Variants in ARHGEF26 observed in about 807,000 individuals in gnomAD.
The protein encoded by ARHGEF26 is Rho guanine nucleotide exchange factor (GEF) 26.
In ARHGEF26, 59 loss-of-function variants were observed where a neutral mutation model predicts 89.4. The ratio of observed to expected loss-of-function variants is 0.66; its 90% CI spans 0.54 to 0.82. ARHGEF26 has a LOEUF of 0.82. Ranked by LOEUF, ARHGEF26 falls within the 40% of genes least tolerant of loss-of-function variation. ARHGEF26 has a pLI of 0.00. For missense variants in ARHGEF26, 1,234 were observed against 1,085.6 expected, an observed-to-expected ratio of 1.14 and a Z score of -1.92; for synonymous variants, 500 against 428.4, an observed-to-expected ratio of 1.17 and a Z score of -2.06.
At chr3:154,164,687 G>A (rs907096555) in intron 6 of ARHGEF26, among the ~76,000 whole-genome samples, 2 of 152,118 alleles carry the variant, frequency 1.3e-5, no homozygotes, top group African/African-American at 4.8e-5. Context: ...GACCAGAACA[G>A]GGCACAATAG....
At chr3:154,212,432 A>G (rs1213006198) in intron 9 of ARHGEF26, among the ~76,000 whole-genome samples, 3 of 152,028 alleles carry the variant, frequency 2.0e-5, no homozygotes, top group Non-Finnish European at 2.9e-5. Flanking sequence ...TGCATCAGTA[A>G]TTTTATCACT....
chr3:154,208,939 G>A (rs1018849012), intron 9 of ARHGEF26, among the ~76,000 whole-genome samples: 1 of 151,698 alleles, frequency 6.6e-6, no homozygotes, highest in East Asian at 2.0e-4. Context: ...CTAATTTTTT[G>A]TATTTTTAGT....
At chr3:154,245,861 T>C (rs1182722849) in intron 12 of ARHGEF26, among the ~76,000 whole-genome samples, 2 of 152,178 alleles carry the variant, frequency 1.3e-5, no homozygotes, top group African/African-American at 2.4e-5. Flanking sequence ...CAGTGAACCA[T>C]ACGGAGATCA....
At chr3:154,220,469 G>T (rs1033833163) in intron 10 of ARHGEF26, among the ~76,000 whole-genome samples, 2 of 152,206 alleles carry the variant, frequency 1.3e-5, no homozygotes, top group African/African-American at 4.8e-5. Context: ...AATGCCAGAG[G>T]TGTGTTTGAC....
intron 1 of ARHGEF26, 61 bp downstream of exon 1, chr3:154,121,580 G>T: frequency 5.4e-6 from 1 of 183,600 alleles, no homozygotes; most frequent in Non-Finnish European, 1.1e-5. Flanking sequence ...AGGGCGGGAG[G>T]CTGGATGGCG....
intron 11 of ARHGEF26, 62 bp from the exon 12 acceptor site, chr3:154,240,308 A>T (rs975176707): frequency 9.8e-6 from 13 of 1,323,176 alleles, no homozygotes; most frequent in Non-Finnish European, 1.1e-5. Flanking sequence ...GTGCCTCGAA[A>T]ACTGACAATG....
chr3:154,234,973 A>G (rs903502594), intron 11 of ARHGEF26, among the ~76,000 whole-genome samples: 18 of 151,990 alleles, frequency 1.2e-4, no homozygotes, highest in African/African-American at 3.9e-4. Flanking sequence ...CGTGTTATCC[A>G]GGATGGTCTC....
chr3:154,241,368 C>A (rs1717472735), intron 12 of ARHGEF26, among the ~76,000 whole-genome samples: 1 of 152,018 alleles, frequency 6.6e-6, no homozygotes, highest in African/African-American at 2.4e-5. Context: ...CTGCCTCCAA[C>A]TCCATGTCTG....
intron 10 of ARHGEF26, among the ~76,000 whole-genome samples, chr3:154,225,499 ATATATTT>A (rs543486410): frequency 1.2e-4 from 19 of 152,024 alleles, no homozygotes; most frequent in Non-Finnish European, 2.1e-4. Context: ...GTTGATTCTG[ATATATTT>A]TATTACTAGG....
At position 154,122,351 on chromosome 3, in the gene ARHGEF26, T is replaced by C. The variant is rs1397586006; in HGVS notation, c.359T>C (p.Val120Ala). Residue 120 changes from valine (V) to alanine (A), a missense_variant, in exon 2 of 15, where the codon GTG (valine) becomes GCG (alanine). Transcript: ENST00000465093. The stretch of plus-strand genomic sequence containing the variant: ...AAGTCACCCAAGCTCCCCAAAGCGG[T>C]GCCTGGCGGCTCCCCGAAATCCCCA... ...RPKSPKLPKA[V>A]PGGSPKSPAN... 1.2e-6 allele frequency: 2 copies of C among 1,612,590 alleles called. No homozygotes were observed. Among genetic ancestry groups the C allele is most frequent in the Admixed American group, 1.7e-5 (1 of 60,006 alleles).
intron 6 of ARHGEF26, among the ~76,000 whole-genome samples, chr3:154,177,253 ATGCC>A (rs1268111076): frequency 1.3e-5 from 2 of 152,232 alleles, no homozygotes; most frequent in Non-Finnish European, 2.9e-5. Flanking sequence ...TTATGGTCAA[ATGCC>A]AGGTAAGATT....
At position 154,229,773 on chromosome 3, in the gene ARHGEF26, A is replaced by G. The variant is rs76731939; in HGVS notation, c.2090+3763A>G. Among the ~76,000 whole-genome samples, 910 of 152,302 alleles carry G rather than the reference A, an allele frequency of 6.0e-3. 45 individuals are homozygous for G. In the East Asian group the frequency reaches 0.12, roughly 20 times the overall value. ...AAATCCCTGCTAGTTGACAACCACTATACTAGCATGGTAGTAAACTAAACT... is the reference window on the plus strand; with the variant it reads ...AAATCCCTGCTAGTTGACAACCACTGTACTAGCATGGTAGTAAACTAAACT... On this transcript the variant is annotated intron_variant, in intron 11 of 14. Coordinates refer to ENST00000465093, the MANE Select transcript of ARHGEF26 (RefSeq NM_015595.4).
chr3:154,220,042 C>T (rs1559908503), intron 10 of ARHGEF26, among the ~76,000 whole-genome samples: 2 of 152,290 alleles, frequency 1.3e-5, no homozygotes, highest in Non-Finnish European at 1.5e-5. Context: ...TACAGTGGAG[C>T]ACCTCATTTA....
intron 12 of ARHGEF26, among the ~76,000 whole-genome samples, 170 bp from the exon 13 acceptor site, chr3:154,252,945 AT>A (rs1718248223): frequency 6.6e-6 from 1 of 152,092 alleles, no homozygotes; most frequent in Admixed American, 6.5e-5. Flanking sequence ...TCTCCTGCTT[AT>A]TTTAGACTTT....
chr3:154,123,111 A>C, intron 2 of ARHGEF26, 36 bp downstream of exon 2: 1 of 1,608,708 alleles, frequency 6.2e-7, no homozygotes, highest in Non-Finnish European at 8.5e-7. Context: ...GCCATTCACT[A>C]AGCGGAAAGT....
rs192863512 is a variant in ARHGEF26, at chr3:154,252,688, G to A, written c.2301-428G>A. Among the ~76,000 whole-genome samples the A allele has an allele frequency of 6.2e-3, 940 of 152,266 alleles. 6 individuals carry two copies. Among genetic ancestry groups the A allele is most frequent in the Non-Finnish European group, 8.6e-3 (582 of 68,010 alleles). ...AATATGTCAAGTTTCTCAAGTTTACGGAAAGGTTTGAGTGTGTGGGAAGGG... is the reference window on the plus strand; with the variant it reads ...AATATGTCAAGTTTCTCAAGTTTACAGAAAGGTTTGAGTGTGTGGGAAGGG... On this transcript the variant is annotated intron_variant, in intron 12 of 14. Coordinates refer to ENST00000465093, the MANE Select transcript of ARHGEF26 (RefSeq NM_015595.4).
intron 6 of ARHGEF26, among the ~76,000 whole-genome samples, chr3:154,168,970 C>T (rs565994594): frequency 6.6e-6 from 1 of 150,466 alleles, no homozygotes; most frequent in African/African-American, 2.5e-5. Context: ...TGAGATAGTT[C>T]TATGAAGACT....
At chr3:154,137,342 T>C (rs932740606) in intron 4 of ARHGEF26, among the ~76,000 whole-genome samples, 1 of 152,190 alleles carries the variant, frequency 6.6e-6, no homozygotes, top group Non-Finnish European at 1.5e-5. Flanking sequence ...TTCGGGGCTC[T>C]TCAGAGTGTC....
At position 154,186,425 on chromosome 3, in the gene ARHGEF26, CTATT is replaced by C. The variant is rs548042641; in HGVS notation, c.1488-1257_1488-1254del. 2.8e-4 allele frequency among the ~76,000 whole-genome samples: 43 copies of C among 152,098 alleles called. 1 individual carries two copies. The South Asian group carries it at 8.7e-3, about 31-fold the overall frequency. On this transcript the variant is annotated intron_variant, in intron 6 of 14. Coordinates refer to ENST00000465093, the MANE Select transcript of ARHGEF26 (RefSeq NM_015595.4). ...GATATATACACTTGTATGTGTATAT[CTATT>C]TAGGTGACCCTAAATTGCTATCTAT...
Sources: allele counts gnomAD v4.1 joint callset (sites outside exome capture counted in the v4.1 genomes callset), GRCh38; gene constraint gnomAD v4.1.1; transcripts MANE v1.5; gene names NCBI Gene and HGNC (gene_info 2026-07-23, HGNC 2026-07-21).